The following PER2 variants were observed in gnomAD, a reference collection of about 807,000 sequenced individuals.
The protein encoded by PER2 is period circadian regulator 2.
A neutral mutation model predicts 121.0 loss-of-function variants in PER2; 66 were observed. The observed-to-expected ratio is 0.55, with a 90% confidence interval of 0.45 to 0.67. The LOEUF is 0.67. PER2 is among the 30% of genes least tolerant of loss of function. The pLI is 0.00. For synonymous variants in PER2, 684 were observed against 659.9 expected (o/e 1.04, Z -0.56); for missense variants, 1,521 against 1,635.0 (o/e 0.93, Z 1.20).
Position 238,251,658 on chromosome 2 carries a change from G to C in PER2, c.3215C>G (p.Ala1072Gly), listed in dbSNP as rs757732618. 1 of 1,614,224 alleles carries C rather than the reference G, an allele frequency of 6.2e-7. No homozygotes were observed. The highest frequency in any genetic ancestry group is 1.3e-5 in the African/African-American group (1 of 75,062). ...GCCGGAGCCCAGAGACTCCGAAGCA[G>C]CAGAGCCCGAGGCTGAGCAGAGGTC... ...NEDLCSASGS[A>G]ASESLGSGSL... The change falls in exon 20 of 23, where the codon GCT becomes GGT. Residue 1072 changes from alanine (A) to glycine (G), a missense_variant. By Grantham distance (60) the Ala-to-Gly change is moderately conservative (BLOSUM62 0). Coordinates refer to ENST00000254657, the MANE Select transcript of PER2 (RefSeq NM_022817.3).
intron 19 of PER2, 22 bp from the exon 20 acceptor site, chr2:238,251,783 A>G: frequency 7.8e-7 from 1 of 1,284,124 alleles, no homozygotes; most frequent in Non-Finnish European, 1.1e-6. Context: ...GGAAGCAGAT[A>G]CTGCTGTTCA....
chr2:238,263,483 C>T (rs534392220), intron 9 of PER2, among the ~76,000 whole-genome samples: 77 of 151,842 alleles, frequency 5.1e-4, no homozygotes, highest in African/African-American at 1.6e-3. Context: ...AGCCTGGTCT[C>T]GTGTGACTTT....
At chr2:238,297,743 G>A in the PER2 span, among the ~76,000 whole-genome samples, 1 of 152,218 alleles carries the variant, frequency 6.6e-6, no homozygotes. Flanking sequence ...CACTGCCATA[G>A]GTGCTGCCAG....
At chr2:238,279,874 T>G (rs1443585486) in intron 1 of PER2, among the ~76,000 whole-genome samples, 1 of 151,946 alleles carries the variant, frequency 6.6e-6, no homozygotes, top group South Asian at 2.1e-4. Context: ...GCATGAAGAG[T>G]GCACTGGAGT....
chr2:238,262,241 G>C lies in PER2; in HGVS notation c.1257C>G (p.Asn419Lys), dbSNP rs750161141. 1 of 1,613,990 alleles carries C rather than the reference G, an allele frequency of 6.2e-7. No individual in the cohort carries two copies. Among genetic ancestry groups the C allele is most frequent in the Admixed American group, 1.7e-5 (1 of 60,014 alleles). ...TLDTSWSSFI[N>K]PWSRKISFII... ...TGAAGGAGATTTTCCTGCTCCATGG[G>C]TTGATGAAGCTGGACCAGCTGGTGT... Residue 419 changes from asparagine (N) to lysine (K), a missense_variant, in exon 11 of 23, where the codon AAC (asparagine) becomes AAG (lysine). Transcript: ENST00000254657.
intron 9 of PER2, 55 bp from the exon 10 acceptor site, chr2:238,263,113 G>A: frequency 1.9e-6 from 2 of 1,043,986 alleles, no homozygotes; most frequent in Non-Finnish European, 1.5e-6. Flanking sequence ...TGAGGAGATT[G>A]TCACTAAGAA....
Position 238,263,073 on chromosome 2 carries a change from G to A in PER2, c.1047-15C>T. On this transcript the variant is annotated splice_polypyrimidine_tract_variant and intron_variant, in intron 9 of 22. Coordinates refer to ENST00000254657, the MANE Select transcript of PER2 (RefSeq NM_022817.3). ...GAGGGACCGCCCTGGAAGGCAAGCA[G>A]ACACACGCTAGGATTGGCATCCAAA... The A allele has an allele frequency of 1.4e-6, 2 of 1,459,122 alleles. No individual in the cohort carries two copies. Among genetic ancestry groups the A allele is most frequent in the Non-Finnish European group, 1.9e-6 (2 of 1,039,194 alleles). 90.4% of individuals were successfully genotyped at this position (1,459,122 alleles called of 1,614,324 possible). A position where few individuals can be genotyped will look rare whatever the true frequency, so the allele number is the denominator to read the frequency against.
At chr2:238,279,049 A>G (rs1574859449) in intron 1 of PER2, among the ~76,000 whole-genome samples, 2 of 152,220 alleles carry the variant, frequency 1.3e-5, no homozygotes, top group Admixed American at 1.3e-4. Context: ...GGGGGTGAAC[A>G]GAGACAGGGA....
In PER2 at chr2:238,275,842, C is replaced by T; in HGVS notation, c.349G>A (p.Glu117Lys). ...THKELIKTLKELKVHLPADKK... is the reference protein window; with the variant it reads ...THKELIKTLKKLKVHLPADKK... ...TCTGCAGGGAGGTGGACCTTCAGCT[C>T]CTTTAGTGTTTTTATCAGTTCTTTG... is the stretch of plus-strand genomic sequence containing the variant. Residue 117 changes from glutamate to lysine, a missense_variant, in exon 4 of 23, where the codon GAG becomes AAG. By Grantham distance (56) the Glu-to-Lys change is moderately conservative. Coordinates refer to ENST00000254657, the MANE Select transcript of PER2 (RefSeq NM_022817.3). 1 of 1,614,188 alleles carries T rather than the reference C, an allele frequency of 6.2e-7. No homozygotes were observed.
intron 8 of PER2, among the ~76,000 whole-genome samples, chr2:238,267,458 C>T (rs1696145403): frequency 6.6e-6 from 1 of 152,140 alleles, no homozygotes. Context: ...GACTGTGGTC[C>T]AGAATGCTGG....
At chr2:238,261,049 G>A (rs1318239394) in intron 12 of PER2, 96 bp from the exon 13 acceptor site, 1 of 1,451,216 alleles carries the variant, frequency 6.9e-7, no homozygotes, top group Non-Finnish European at 9.4e-7. Context: ...AGAGAGGATG[G>A]CGACCCGCCT....
intron 1 of PER2, among the ~76,000 whole-genome samples, chr2:238,280,950 C>T (rs1403447348): frequency 6.6e-6 from 1 of 151,846 alleles, no homozygotes; most frequent in Non-Finnish European, 1.5e-5. Flanking sequence ...AAAAAAATCA[C>T]ACTAGTCTTG....
intron 21 of PER2, 128 bp downstream of exon 21, chr2:238,250,423 G>A (rs1404866320): frequency 1.4e-6 from 1 of 723,898 alleles, no homozygotes; most frequent in African/African-American, 1.7e-5. Context: ...CTTCTCTGCT[G>A]CACTCAGCTA....
Position 238,261,752 on chromosome 2 carries a change from G to T in PER2, c.1393C>A (p.Gln465Lys). Residue 465 changes from glutamine to lysine, a missense_variant, in exon 12 of 23, where the codon CAG (glutamine) becomes AAG (lysine). Transcript: ENST00000254657. ...ACCTGCAGCAGGAGCCGGTGGATCT[G>T]CTCTGTGAGCTCCTGAATGCTGGGG... ...LHPSIQELTE[Q>K]IHRLLLQPVP... is the part of the protein sequence containing the mutation. 6.4e-7 allele frequency: 1 copy of T among 1,565,734 alleles called. No homozygotes were observed. Among genetic ancestry groups the T allele is most frequent in the Non-Finnish European group, 8.7e-7 (1 of 1,154,196 alleles).
chr2:238,297,882 G>A, the PER2 span, among the ~76,000 whole-genome samples: 1 of 152,308 alleles, frequency 6.6e-6, no homozygotes, highest in Non-Finnish European at 1.5e-5. Flanking sequence ...GCGTTCACAA[G>A]CTGCATGAGG....
intron 1 of PER2, among the ~76,000 whole-genome samples, chr2:238,285,784 T>C (rs1696764605): frequency 6.6e-6 from 1 of 152,244 alleles, no homozygotes; most frequent in African/African-American, 2.4e-5. Context: ...TAGTGAATTC[T>C]GCCTGTTTTC....
At chr2:238,278,067 C>G in intron 1 of PER2, 112 bp from the exon 2 acceptor site, 2 of 1,028,848 alleles carry the variant, frequency 1.9e-6, no homozygotes, top group Non-Finnish European at 1.4e-6. Context: ...AAACTGCAGT[C>G]TCTTTCTTTC....
chr2:238,248,249 G>A (rs576967360), intron 22 of PER2, among the ~76,000 whole-genome samples: 7 of 152,198 alleles, frequency 4.6e-5, no homozygotes, highest in East Asian at 1.9e-4. Context: ...TCCCTGGGAC[G>A]AGGACTGAGA....
At position 238,244,120 on chromosome 2, in the gene PER2, T is replaced by C. The variant is rs1410727613; in HGVS notation, c.*2255A>G. On this transcript the variant is annotated 3_prime_UTR_variant, in exon 23 of 23. Transcript: ENST00000254657. ...AAAAAGACACAAGCAGTCAAACAAA[T>C]CTATTGCACTGGGTAAAGAAAGTTT... 6.6e-6 allele frequency: 1 copy of C among 152,502 alleles called. No individual in the cohort carries two copies. The highest frequency in any genetic ancestry group is 1.5e-5 in the Non-Finnish European group (1 of 68,044). 9.4% of individuals were successfully genotyped at this position (152,502 alleles called of 1,614,324 possible). A position where few individuals can be genotyped will look rare whatever the true frequency, so the allele number is the denominator to read the frequency against.
Sources: allele counts gnomAD v4.1 joint callset (sites outside exome capture counted in the v4.1 genomes callset), GRCh38; gene constraint gnomAD v4.1.1; transcripts MANE v1.5; gene names NCBI Gene and HGNC (gene_info 2026-07-23, HGNC 2026-07-21).